Variants in SYNC observed in about 807,000 individuals in gnomAD.
SYNC encodes syncoilin.
In SYNC, 38 loss-of-function variants were observed where a neutral mutation model predicts 49.5. The observed-to-expected ratio is 0.77, with a 90% confidence interval of 0.59 to 1.01. The LOEUF (loss-of-function observed/expected upper bound fraction) is 1.01. Ranked by LOEUF, SYNC falls within the 50% of genes least tolerant of loss-of-function variation. The probability of loss-of-function intolerance (pLI) is 0.00; values close to 1 mark genes in which losing one functional copy is unlikely to be tolerated. For missense variants in SYNC, 579 were observed against 580.6 expected, an observed-to-expected ratio of 1.00 and a Z score of 0.03; for synonymous variants, 201 against 230.8, an observed-to-expected ratio of 0.87 and a Z score of 1.17.
chr1:32,680,488 T>C lies in SYNC; in HGVS notation c.*1362A>G, dbSNP rs1649367988. On this transcript the variant is annotated 3_prime_UTR_variant, in exon 5 of 5. Coordinates refer to ENST00000409190, the MANE Select transcript of SYNC (RefSeq NM_030786.3). ...AATAACTTGTATTTGTTTTAAAAAT[T>C]AAATTAATCCTTGATAAGAGTTGCT... The C allele has an allele frequency of 6.5e-7, 1 of 1,539,724 alleles. No homozygotes were observed. Among genetic ancestry groups the C allele is most frequent in the Non-Finnish European group, 8.8e-7 (1 of 1,142,588 alleles).
chr1:32,683,234 C>G (rs1159782121), intron 4 of SYNC: 1 of 147,794 alleles, frequency 6.8e-6, no homozygotes, highest in Non-Finnish European at 1.5e-5. Flanking sequence ...CCACTGCACT[C>G]CAGCCTGGCA....
rs375871618 is a variant in SYNC at position 32,695,526 on chromosome 1, T to C, written c.572A>G (p.Glu191Gly). Residue 191 changes from glutamate (E) to glycine (G), a missense_variant, in exon 2 of 5, where the codon GAG becomes GGG. By Grantham distance (98) the Glu-to-Gly change is moderately conservative. Coordinates refer to ENST00000409190, the MANE Select transcript of SYNC (RefSeq NM_030786.3). ...QCVQAVAQLE[E>G]ERDQLIHELV... ...CTCATGGATGAGCTGATCCCTCTCC[T>C]CTTCCAGCTGGGCCACAGCTTGGAC... 9.8e-4 allele frequency: 1,520 copies of C among 1,551,266 alleles called. 1 individual carries two copies. The highest frequency in any genetic ancestry group is 1.3e-3 in the Non-Finnish European group (1,470 of 1,146,954).
At chr1:32,701,637 C>G (rs369158602) in intron 1 of SYNC, among the ~76,000 whole-genome samples, 1 of 152,214 alleles carries the variant, frequency 6.6e-6, no homozygotes, top group Non-Finnish European at 1.5e-5. Flanking sequence ...TGCCCTCACA[C>G]AGCCGCCTCT....
intron 4 of SYNC, chr1:32,683,152 C>G (rs182453130): frequency 4.0e-4 from 61 of 150,674 alleles, no homozygotes; most frequent in East Asian, 3.8e-3. Flanking sequence ...CGTGGTGGTG[C>G]GTGCCTATAA....
chr1:32,690,537 TG>T (rs948732311), intron 2 of SYNC, among the ~76,000 whole-genome samples: 1 of 151,050 alleles, frequency 6.6e-6, no homozygotes, highest in Non-Finnish European at 1.5e-5. Flanking sequence ...CCCAGCTACT[TG>T]GGAGGCTGAG....
intron 2 of SYNC, among the ~76,000 whole-genome samples, chr1:32,690,458 A>G (rs1396978522): frequency 6.6e-6 from 1 of 151,082 alleles, no homozygotes; most frequent in African/African-American, 2.4e-5. Flanking sequence ...CAACCTGGCC[A>G]AGATGGTGAA....
At chr1:32,687,292 C>G (rs1303922204) in intron 2 of SYNC, among the ~76,000 whole-genome samples, 1 of 144,758 alleles carries the variant, frequency 6.9e-6, no homozygotes, top group Non-Finnish European at 1.5e-5. Context: ...ACCTGGGAGG[C>G]GGAGGTTGCA....
chr1:32,687,087 C>T (rs1341659541), intron 2 of SYNC, among the ~76,000 whole-genome samples: 1 of 152,148 alleles, frequency 6.6e-6, no homozygotes, highest in Non-Finnish European at 1.5e-5. Context: ...TGGCCAGGCA[C>T]AGTGGCTCAT....
intron 2 of SYNC, among the ~76,000 whole-genome samples, chr1:32,693,688 G>A (rs938053620): frequency 6.6e-6 from 1 of 152,112 alleles, no homozygotes; most frequent in Non-Finnish European, 1.5e-5. Flanking sequence ...AGTCTAGGAG[G>A]GACTACGTAA....
intron 4 of SYNC, 86 bp downstream of exon 4, chr1:32,683,924 C>A (rs1394510814): frequency 5.8e-6 from 8 of 1,379,640 alleles, no homozygotes; most frequent in Non-Finnish European, 7.1e-6. Flanking sequence ...TGAGCCACCC[C>A]GTCCGGCCTG....
Position 32,694,850 on chromosome 1 carries a change from G to A in SYNC, c.1233+15C>T, listed in dbSNP as rs1650327649. 1 of 1,546,436 alleles carries A rather than the reference G, an allele frequency of 6.5e-7. No homozygotes were observed. Among genetic ancestry groups the A allele is most frequent in the Non-Finnish European group, 8.7e-7 (1 of 1,149,368 alleles). Reference sequence around the variant, plus strand: ...GTTAAAAGACCTCAGTTCTTTTCATGCCCAATGGGCCTACCCTGTACTGCT... The same window carrying A: ...GTTAAAAGACCTCAGTTCTTTTCATACCCAATGGGCCTACCCTGTACTGCT... On this transcript the variant is annotated intron_variant, in intron 2 of 4. Coordinates refer to ENST00000409190, the MANE Select transcript of SYNC (RefSeq NM_030786.3).
At chr1:32,697,297 C>CCTA (rs1650475766) in intron 1 of SYNC, among the ~76,000 whole-genome samples, 1 of 150,502 alleles carries the variant, frequency 6.6e-6, no homozygotes, top group African/African-American at 2.4e-5. Context: ...CAAAATTAGC[C>CCTA]GGGCGTGGTG....
At chr1:32,683,446 T>A (rs924871922) in intron 4 of SYNC, 2 of 152,090 alleles carry the variant, frequency 1.3e-5, no homozygotes, top group African/African-American at 4.8e-5. Context: ...GTGGGTAGGG[T>A]AGGATGAGGA....
chr1:32,695,365 T>G lies in SYNC; in HGVS notation c.733A>C (p.Lys245Gln), dbSNP rs1650367179. ...LREEIRLVKQ[K>Q]LFKVTKECVA... is the part of the protein sequence containing the mutation. ...CATTCCTTTGTCACTTTGAAAAGCT[T>G]CTGCTTGACCAGCCGGATCTCCTCC... The change falls in exon 2 of 5, where the codon AAG becomes CAG. Residue 245 changes from lysine to glutamine, a missense_variant. Physicochemically the swap from Lys to Gln is moderately conservative, Grantham distance 53. Coordinates refer to ENST00000409190, the MANE Select transcript of SYNC (RefSeq NM_030786.3). The G allele has an allele frequency of 6.4e-7, 1 of 1,551,558 alleles. No individual in the cohort carries two copies. Among genetic ancestry groups the G allele is most frequent in the Non-Finnish European group, 8.7e-7 (1 of 1,147,070 alleles).
At chr1:32,685,581 TTGATACTC>T (rs1649767345) in intron 2 of SYNC, 1 of 152,260 alleles carries the variant, frequency 6.6e-6, no homozygotes, top group Non-Finnish European at 1.5e-5. Flanking sequence ...TCCGCACTGT[TTGATACTC>T]TGGCTGAATC....
chr1:32,696,929 G>A (rs973033263), intron 1 of SYNC, among the ~76,000 whole-genome samples: 14 of 151,414 alleles, frequency 9.2e-5, no homozygotes, highest in Non-Finnish European at 1.9e-4. Flanking sequence ...TGTATTTTTA[G>A]TAGAGATGGG....
chr1:32,690,565 A>G (rs1650108748), intron 2 of SYNC, among the ~76,000 whole-genome samples: 1 of 150,956 alleles, frequency 6.6e-6, no homozygotes, highest in Admixed American at 6.6e-5. Flanking sequence ...GAATCACTTG[A>G]CCCGGGAGGC....
In SYNC at chr1:32,695,079, TCCAGGTCCTGGCGGCTCTCTG is replaced by T; in HGVS notation, c.998_1018del (p.Ala333_Leu339del). On this transcript the variant is annotated inframe_deletion, in exon 2 of 5. Coordinates refer to ENST00000409190, the MANE Select transcript of SYNC (RefSeq NM_030786.3). The stretch of plus-strand genomic sequence containing the variant: ...CAGGAACTGAGGCTCATACTCCTCC[TCCAGGTCCTGGCGGCTCTCTG>T]CCATGAGATTTTCAAACTGGGCAGA... 6.2e-7 allele frequency: 1 copy of T among 1,613,464 alleles called. No individual in the cohort carries two copies. Among genetic ancestry groups the T allele is most frequent in the Non-Finnish European group, 8.5e-7 (1 of 1,179,950 alleles).
chr1:32,695,274 T>TC lies in SYNC; in HGVS notation c.823dup (p.Glu275GlyfsTer55). 1 of 1,551,724 alleles carries TC rather than the reference T, an allele frequency of 6.4e-7. No homozygotes were observed. Among genetic ancestry groups the TC allele is most frequent in the East Asian group, 2.4e-5 (1 of 40,866 alleles). Reference sequence around the variant, plus strand: ...CTGGGTTGCCCTTGTAGTCAGCACTTCCCGGAAATCGGCAAACTGAGCCAC... The same window carrying TC: ...CTGGGTTGCCCTTGTAGTCAGCACTTCCCCGGAAATCGGCAAACTGAGCCAC... On this transcript the variant is annotated frameshift_variant, in exon 2 of 5. Transcript: ENST00000409190. LOFTEE classifies it high-confidence loss of function.
Sources: allele counts gnomAD v4.1 joint callset (sites outside exome capture counted in the v4.1 genomes callset), GRCh38; gene constraint gnomAD v4.1.1; transcripts MANE v1.5; gene names NCBI Gene and HGNC (gene_info 2026-07-23, HGNC 2026-07-21).